Variants in LRRC72 observed in about 807,000 individuals in gnomAD.
LRRC72 encodes the protein leucine rich repeat containing 72.
A neutral mutation model predicts 35.8 loss-of-function variants in LRRC72; 41 were observed. That is an observed-to-expected ratio of 1.15 (90% CI 0.89 to 1.49). LRRC72 has a LOEUF of 1.49. Among genes scored for constraint, LRRC72 ranks in the 40% most tolerant of loss-of-function variants. The pLI, the probability that LRRC72 is intolerant of heterozygous loss-of-function variation, is 0.00. For synonymous variants in LRRC72, 118 were observed against 119.2 expected (o/e 0.99, Z 0.07); for missense variants, 389 against 330.7 (o/e 1.18, Z -1.37).
chr7:16,580,790 T>G (rs1562756809), intron 8 of LRRC72, among the ~76,000 whole-genome samples: 3 of 152,212 alleles, frequency 2.0e-5, no homozygotes, highest in African/African-American at 4.8e-5. Context: ...GAATTTACAT[T>G]TCCAAAAGCA....
intron 2 of LRRC72, among the ~76,000 whole-genome samples, chr7:16,537,341 G>C (rs1782274729): frequency 6.6e-6 from 1 of 152,056 alleles, no homozygotes; most frequent in African/African-American, 2.4e-5. Context: ...AACTTGTTTT[G>C]AATTAAGGTT....
intron 6 of LRRC72, 67 bp downstream of exon 6, chr7:16,566,469 C>T (rs902626286): frequency 3.2e-5 from 29 of 906,234 alleles, no homozygotes; most frequent in East Asian, 8.8e-5. Context: ...GGTTTAAAAA[C>T]GAAGACTACC....
At chr7:16,553,593 G>A (rs953592216) in intron 3 of LRRC72, among the ~76,000 whole-genome samples, 4 of 152,142 alleles carry the variant, frequency 2.6e-5, no homozygotes, top group Admixed American at 6.5e-5. Flanking sequence ...CTCCCAGGGG[G>A]CATTTCACAA....
rs146706579 is a variant in LRRC72 at position 16,576,915 on chromosome 7, G to C, written c.671-3159G>C. 1.4e-4 allele frequency among the ~76,000 whole-genome samples: 21 copies of C among 152,282 alleles called. No homozygotes were observed. In the East Asian group the frequency reaches 3.9e-3, roughly 28 times the overall value. ...GGGTAAGGCCAAAAAGGAAGACCAG[G>C]CAGACTATTTAACAAACAGCAATTC... On this transcript the variant is annotated intron_variant, in intron 7 of 8. Transcript: ENST00000401542.
chr7:16,554,758 G>T (rs575324857), intron 3 of LRRC72, among the ~76,000 whole-genome samples: 1 of 152,116 alleles, frequency 6.6e-6, no homozygotes, highest in Non-Finnish European at 1.5e-5. Flanking sequence ...CTATGATCAT[G>T]GTCCAAGGAT....
intron 5 of LRRC72, among the ~76,000 whole-genome samples, chr7:16,559,277 C>A (rs369783442): frequency 3.3e-5 from 5 of 151,824 alleles, no homozygotes; most frequent in African/African-American, 1.2e-4. Flanking sequence ...GCCTGTAATC[C>A]CAGCTACTTG....
intron 3 of LRRC72, among the ~76,000 whole-genome samples, chr7:16,538,687 C>T (rs186254658): frequency 8.5e-5 from 13 of 152,332 alleles, no homozygotes; most frequent in Admixed American, 7.2e-4. Context: ...TGTTGAAGGA[C>T]GGACATGATG....
chr7:16,553,458 G>A (rs516925), intron 3 of LRRC72, among the ~76,000 whole-genome samples: 97,380 of 152,060 alleles, frequency 0.64, 33,437 homozygotes, highest in African/African-American at 0.9. Context: ...GGCTTTTGTT[G>A]GGATTATATT....
intron 3 of LRRC72, among the ~76,000 whole-genome samples, chr7:16,556,684 C>G (rs533057579): frequency 8.9e-4 from 136 of 152,208 alleles, no homozygotes; most frequent in Middle Eastern, 6.8e-3. Flanking sequence ...AAATCTGACT[C>G]AAAGTGCTGA....
At chr7:16,554,977 G>A (rs541469981) in intron 3 of LRRC72, among the ~76,000 whole-genome samples, 168 of 152,314 alleles carry the variant, frequency 1.1e-3, no homozygotes, top group Non-Finnish European at 1.3e-3. Context: ...GATGTCAAGT[G>A]TGGCTATTAT....
chr7:16,542,667 A>G (rs1343996679), intron 3 of LRRC72, among the ~76,000 whole-genome samples: 1 of 152,230 alleles, frequency 6.6e-6, no homozygotes, highest in Non-Finnish European at 1.5e-5. Flanking sequence ...ATATGCATCT[A>G]TCTCAGTGAG....
intron 3 of LRRC72, among the ~76,000 whole-genome samples, chr7:16,538,337 A>G (rs1392293211): frequency 6.6e-6 from 1 of 152,188 alleles, no homozygotes; most frequent in Non-Finnish European, 1.5e-5. Flanking sequence ...TGTACCCTAT[A>G]GTACTAACAG....
intron 2 of LRRC72, among the ~76,000 whole-genome samples, chr7:16,533,847 G>A (rs183664244): frequency 6.8e-4 from 103 of 152,190 alleles, no homozygotes; most frequent in Non-Finnish European, 1.1e-3. Flanking sequence ...TGAGCCTCTC[G>A]ATATAGGTCA....
intron 7 of LRRC72, among the ~76,000 whole-genome samples, chr7:16,572,366 G>T (rs1782962282): frequency 6.6e-6 from 1 of 151,992 alleles, no homozygotes; most frequent in South Asian, 2.1e-4. Flanking sequence ...AAAATTCCAG[G>T]CCAATATCCC....
intron 3 of LRRC72, among the ~76,000 whole-genome samples, chr7:16,540,006 T>C (rs538754025): frequency 6.6e-6 from 1 of 152,310 alleles, no homozygotes; most frequent in Non-Finnish European, 1.5e-5. Context: ...GGGCACTGCC[T>C]AGTGGAGTTG....
intron 4 of LRRC72, among the ~76,000 whole-genome samples, chr7:16,558,558 C>T (rs569970563): frequency 6.2e-4 from 94 of 151,976 alleles, no homozygotes; most frequent in African/African-American, 1.8e-3. Context: ...TACAGTGACC[C>T]GAGATTGTGC....
chr7:16,566,372 C>A lies in LRRC72; in HGVS notation c.487C>A (p.Leu163Ile). Residue 163 changes from leucine (L) to isoleucine (I), a missense_variant, in exon 6 of 9, where the codon CTT (leucine) becomes ATT (isoleucine). Transcript: ENST00000401542. ...NLYRLYIIYHLPGVELLDRNQ... is the reference protein window; with the variant it reads ...NLYRLYIIYHIPGVELLDRNQ... ...GTATCGTTTATATATCATCTACCAC[C>A]TTCCAGGAGTGGAGCTGCTTGACCG... 2 of 1,547,110 alleles carry A rather than the reference C, an allele frequency of 1.3e-6. No homozygotes were observed. Among genetic ancestry groups the A allele is most frequent in the Non-Finnish European group, 8.7e-7 (1 of 1,145,572 alleles).
intron 7 of LRRC72, among the ~76,000 whole-genome samples, chr7:16,571,537 C>T (rs111695220): frequency 4.9e-4 from 75 of 152,252 alleles, no homozygotes; most frequent in African/African-American, 1.5e-3. Flanking sequence ...GTGCAGCCCA[C>T]GGAGGGACAG....
At chr7:16,555,664 T>A (rs1483082472) in intron 3 of LRRC72, among the ~76,000 whole-genome samples, 1 of 151,924 alleles carries the variant, frequency 6.6e-6, no homozygotes, top group Non-Finnish European at 1.5e-5. Context: ...CCCAGCTACT[T>A]GGGAGGCTGA....
Sources: allele counts gnomAD v4.1 joint callset (sites outside exome capture counted in the v4.1 genomes callset), GRCh38; gene constraint gnomAD v4.1.1; transcripts MANE v1.5; gene names NCBI Gene and HGNC (gene_info 2026-07-23, HGNC 2026-07-21).